TRPM2: variants seen among roughly 807,000 people sequenced by gnomAD.
TRPM2 encodes transient receptor potential cation channel subfamily M member 2, also known as estrogen-responsive element-associated gene 1 protein.
A neutral mutation model predicts 174.0 loss-of-function variants in TRPM2; 161 were observed. That is an observed-to-expected ratio of 0.93 (90% CI 0.81 to 1.05). The LOEUF (loss-of-function observed/expected upper bound fraction) is 1.05, where lower values mean the gene tolerates loss of function less well. Among genes scored for constraint, TRPM2 ranks in the 50% least tolerant of loss-of-function variants. The probability of loss-of-function intolerance (pLI) is 0.00; values close to 1 mark genes in which losing one functional copy is unlikely to be tolerated. For synonymous variants in TRPM2, 954 were observed against 861.3 expected, an observed-to-expected ratio of 1.11 and a Z score of -1.88; for missense variants, 2,057 against 2,038.0, an observed-to-expected ratio of 1.01 and a Z score of -0.18.
chr21:44,361,429 T>G (rs142317277), intron 2 of TRPM2, among the ~76,000 whole-genome samples: 338 of 152,302 alleles, frequency 2.2e-3, no homozygotes, highest in Non-Finnish European at 3.4e-3. Context: ...CAACATTATT[T>G]AACTGCTGAA....
chr21:44,416,789 A>C (rs981757940), intron 20 of TRPM2: 12 of 183,806 alleles, frequency 6.5e-5, no homozygotes, highest in Non-Finnish European at 1.2e-4. Context: ...CTGTGGCATC[A>C]CAGTGGGCAC....
intron 20 of TRPM2, 53 bp downstream of exon 20, chr21:44,414,127 G>C: frequency 6.3e-7 from 1 of 1,579,328 alleles, no homozygotes; most frequent in Non-Finnish European, 8.6e-7. Flanking sequence ...CGGCGTTCCT[G>C]GGCCGCAGTG....
rs1418853010 is a variant in TRPM2 at position 44,391,611 on chromosome 21, C to G, written c.1780C>G (p.His594Asp). The change falls in exon 11 of 32, where the codon CAC becomes GAC. Residue 594 changes from histidine to aspartate, a missense_variant. Physicochemically the swap from His to Asp is moderately conservative, Grantham distance 81. Transcript: ENST00000397928. The surrounding 1 kb of genome is among the most constrained non-coding windows in gnomAD (Gnocchi z 5.0). ...DRLRLLLPVP[H>D]VKLNVQGVSL... Reference sequence around the variant, plus strand: ...GCTGCGGCTCCTGCTGCCCGTTCCCCACGTCAAGCTCAACGTGCGTGCTGG... The same window carrying G: ...GCTGCGGCTCCTGCTGCCCGTTCCCGACGTCAAGCTCAACGTGCGTGCTGG... The G allele has an allele frequency of 5.1e-6, 8 of 1,578,368 alleles. No individual in the cohort carries two copies. The East Asian group carries it at 1.8e-4, about 35-fold the overall frequency.
intron 9 of TRPM2, among the ~76,000 whole-genome samples, chr21:44,383,229 G>A (rs1361007636): frequency 6.6e-6 from 1 of 152,184 alleles, no homozygotes; most frequent in African/African-American, 2.4e-5. Flanking sequence ...GACTTGAGCT[G>A]TAGTGGCTCT....
rs912269752 is a variant in TRPM2, at chr21:44,406,760, T to A, written c.2957T>A (p.Ile986Asn). 4 of 1,602,104 alleles carry A rather than the reference T, an allele frequency of 2.5e-6. No homozygotes were observed. Among genetic ancestry groups the A allele is most frequent in the Non-Finnish European group, 3.4e-6 (4 of 1,176,386 alleles). ...LTIFGQIPGYIDGVNFNPEHC... is the reference protein window; with the variant it reads ...LTIFGQIPGYNDGVNFNPEHC... ...ATCTTCGGGCAGATCCCGGGCTACA[T>A]CGACGGTAGGAGCCGGGCGCCATGG... Residue 986 changes from isoleucine to asparagine, a missense_variant, in exon 19 of 32, where the codon ATC becomes AAC. Transcript: ENST00000397928.
At chr21:44,350,170 G>A (rs948327506), upstream of TRPM2, 1 of 152,176 alleles carries the variant, frequency 6.6e-6, no homozygotes, top group African/African-American at 2.4e-5. Context: ...CACTGCACCG[G>A]GCACGCGGCG....
intron 2 of TRPM2, among the ~76,000 whole-genome samples, chr21:44,363,857 G>T (rs906810763): frequency 6.6e-6 from 1 of 152,132 alleles, no homozygotes; most frequent in Admixed American, 6.6e-5. Context: ...CCCCACAAAG[G>T]GTGAAGTCTA....
At chr21:44,434,031 T>C (rs2238727) in intron 27 of TRPM2, among the ~76,000 whole-genome samples, 61,231 of 151,460 alleles carry the variant, frequency 0.4, 14,037 homozygotes, top group African/African-American at 0.64. Context: ...CTAGAGGTGG[T>C]CAGCTGTCCT....
At chr21:44,436,995 C>T (rs974697730) in intron 28 of TRPM2, 67 bp from the exon 29 acceptor site, 20 of 1,443,482 alleles carry the variant, frequency 1.4e-5, no homozygotes, top group Admixed American at 4.0e-5. Context: ...GGGCCAGCCC[C>T]GCCGCGGCGC....
intron 23 of TRPM2, 71 bp downstream of exon 23, chr21:44,423,803 T>C: frequency 7.7e-7 from 1 of 1,306,168 alleles, no homozygotes; most frequent in South Asian, 1.3e-5. Context: ...TGCCATGTGG[T>C]GGCACCAAGA....
intron 19 of TRPM2, among the ~76,000 whole-genome samples, chr21:44,409,004 C>G (rs112865596): frequency 0.036 from 5,450 of 152,074 alleles, 129 homozygotes; most frequent in Middle Eastern, 0.1. Context: ...ATTGAGTTGT[C>G]TTTTATATTA....
At chr21:44,351,236 G>A (rs1306053498), upstream of TRPM2, among the ~76,000 whole-genome samples, 2 of 152,134 alleles carry the variant, frequency 1.3e-5, no homozygotes, top group African/African-American at 2.4e-5. Flanking sequence ...TCTTGAATTC[G>A]GCCTAGGTGA....
chr21:44,405,152 A>G lies in TRPM2; in HGVS notation c.2549A>G (p.Asp850Gly). ...CCCTCTTCCCAGTAGCTCTTCTATG[A>G]CCCTGACGAGTGCGGGCTGATGAAG... ...VCEEMRQLFY[D>G]PDECGLMKKA... Residue 850 changes from aspartate (D) to glycine (G), a missense_variant, in exon 17 of 32, where the codon GAC becomes GGC. Coordinates refer to ENST00000397928, the MANE Select transcript of TRPM2 (RefSeq NM_003307.4). 6.2e-7 allele frequency: 1 copy of G among 1,613,426 alleles called. No homozygotes were observed. Among genetic ancestry groups the G allele is most frequent in the Non-Finnish European group, 8.5e-7 (1 of 1,179,928 alleles).
chr21:44,379,822 C>T (rs1477110545), intron 8 of TRPM2, among the ~76,000 whole-genome samples: 1 of 152,220 alleles, frequency 6.6e-6, no homozygotes, highest in Non-Finnish European at 1.5e-5. Context: ...TCCAGGGTGA[C>T]CTGACTCAAT....
chr21:44,370,425 G>A (rs1056654368), intron 5 of TRPM2, among the ~76,000 whole-genome samples: 4 of 152,158 alleles, frequency 2.6e-5, no homozygotes, highest in African/African-American at 9.7e-5. Context: ...GCTTTAATCC[G>A]GAGCCTTGAG....
At chr21:44,377,616 C>A in intron 6 of TRPM2, 96 bp from the exon 7 acceptor site, 5 of 1,526,758 alleles carry the variant, frequency 3.3e-6, no homozygotes, top group Non-Finnish European at 4.5e-6. Context: ...CACCTCTGTC[C>A]CCTCACTCGG....
At chr21:44,400,694 C>T (rs1316758056) in intron 15 of TRPM2, among the ~76,000 whole-genome samples, 5 of 152,254 alleles carry the variant, frequency 3.3e-5, no homozygotes, top group East Asian at 3.8e-4. Context: ...AGCCAGTCTG[C>T]GGCGTGGGCA....
At chr21:44,368,494 C>G (rs1302956911) in intron 4 of TRPM2, among the ~76,000 whole-genome samples, 1 of 151,498 alleles carries the variant, frequency 6.6e-6, no homozygotes, top group African/African-American at 2.4e-5. Context: ...GGTGGTGGCG[C>G]TATCTCAGCT....
intron 2 of TRPM2, among the ~76,000 whole-genome samples, chr21:44,362,385 G>A (rs1256334678): frequency 2.7e-5 from 4 of 149,502 alleles, no homozygotes; most frequent in Non-Finnish European, 5.9e-5. Context: ...GGTGATGGCC[G>A]CCTGTGGTCG....
Sources: gnomAD v4.1 joint callset for allele counts (sites outside exome capture counted in the v4.1 genomes callset) on GRCh38, gnomAD v4.1.1 for gene constraint, Gnocchi (gnomAD v3.1) non-coding constraint, MANE v1.5 for transcripts, NCBI Gene and HGNC (gene_info 2026-07-23, HGNC 2026-07-21) for gene names.